The following KCTD8 variants were observed in gnomAD, a reference collection of about 807,000 sequenced individuals.
The protein encoded by KCTD8 is potassium channel tetramerization domain containing 8.
Under a neutral mutation model 31.5 loss-of-function variants are expected in KCTD8, and 27 were observed. That is an observed-to-expected ratio of 0.86 (90% confidence interval 0.63 to 1.18). The LOEUF is 1.18. KCTD8 is among the 50% of genes most tolerant of loss of function. The probability of loss-of-function intolerance (pLI) is 0.00; values close to 1 mark genes in which losing one functional copy is unlikely to be tolerated. For missense variants in KCTD8, 658 were observed against 647.7 expected (o/e 1.02, Z -0.17); for synonymous variants, 290 against 280.0 (o/e 1.04, Z -0.36).
intron 1 of KCTD8, among the ~76,000 whole-genome samples, chr4:44,249,306 T>A (rs571834009): frequency 4.6e-4 from 70 of 151,966 alleles, no homozygotes; most frequent in African/African-American, 1.6e-3. Context: ...CAAGTTATTA[T>A]TAACAAGGCC....
intron 1 of KCTD8, among the ~76,000 whole-genome samples, chr4:44,397,346 G>A (rs770000831): frequency 9.9e-5 from 15 of 152,026 alleles, no homozygotes; most frequent in South Asian, 2.1e-4. Context: ...ACTCATATAC[G>A]TATACATTAT....
intron 1 of KCTD8, among the ~76,000 whole-genome samples, chr4:44,239,767 T>C (rs916912209): frequency 6.6e-6 from 1 of 152,254 alleles, no homozygotes; most frequent in South Asian, 2.1e-4. Context: ...CTTTACCATC[T>C]TTTTGTCTCA....
chr4:44,198,704 A>T, intron 1 of KCTD8, among the ~76,000 whole-genome samples: 1 of 152,166 alleles, frequency 6.6e-6, no homozygotes. Flanking sequence ...CCACAAAAAC[A>T]CACTAAGGAC....
rs11368270 is a variant in KCTD8 at position 44,357,089 on chromosome 4, C to CA, written c.961+90473dup. On this transcript the variant is annotated intron_variant, in intron 1 of 1. Coordinates refer to ENST00000360029, the MANE Select transcript of KCTD8 (RefSeq NM_198353.3). Reference sequence around the variant, plus strand: ...TTATATCAAAGAAAGGCATTTGAGGCAAAAAAAAAAAAACCCTTCAAAACA... The same window carrying CA: ...TTATATCAAAGAAAGGCATTTGAGGCAAAAAAAAAAAAAACCCTTCAAAACA... Among the ~76,000 whole-genome samples the CA allele has an allele frequency of 5.1e-3, 727 of 143,460 alleles. 3 individuals are homozygous for CA. Among genetic ancestry groups the CA allele is most frequent in the Middle Eastern group, 0.025 (7 of 282 alleles). 94.1% of individuals were successfully genotyped at this position (143,460 alleles called of 152,430 possible).
At chr4:44,185,447 A>T (rs1713557883) in intron 1 of KCTD8, among the ~76,000 whole-genome samples, 1 of 152,182 alleles carries the variant, frequency 6.6e-6, no homozygotes, top group Non-Finnish European at 1.5e-5. Flanking sequence ...TTGTTCAAAA[A>T]CCTTCTAAAT....
intron 1 of KCTD8, among the ~76,000 whole-genome samples, chr4:44,319,926 C>T (rs1008000044): frequency 3.9e-5 from 6 of 151,928 alleles, no homozygotes; most frequent in African/African-American, 9.7e-5. Context: ...AATCCCAGCA[C>T]GTTGGGAGGC....
intron 1 of KCTD8, among the ~76,000 whole-genome samples, chr4:44,215,956 A>G (rs1354499861): frequency 6.6e-6 from 1 of 152,224 alleles, no homozygotes; most frequent in Non-Finnish European, 1.5e-5. Flanking sequence ...TGAGGTACAG[A>G]AGGAGGCAAC....
intron 1 of KCTD8, among the ~76,000 whole-genome samples, chr4:44,436,402 T>C (rs1189112674): frequency 6.6e-6 from 1 of 151,750 alleles, no homozygotes; most frequent in Non-Finnish European, 1.5e-5. Flanking sequence ...GGAGTGAGAG[T>C]CAAAGAAGAG....
At chr4:44,385,815 T>G (rs1384684510) in intron 1 of KCTD8, among the ~76,000 whole-genome samples, 2 of 151,550 alleles carry the variant, frequency 1.3e-5, no homozygotes, top group African/African-American at 2.4e-5. Context: ...TGAAAAGGTG[T>G]TACTATCCAA....
intron 1 of KCTD8, among the ~76,000 whole-genome samples, chr4:44,401,768 A>C (rs1300104565): frequency 6.6e-6 from 1 of 152,324 alleles, no homozygotes; most frequent in Admixed American, 6.5e-5. Context: ...AGCAGCTACT[A>C]TTCTATTTAG....
intron 1 of KCTD8, among the ~76,000 whole-genome samples, chr4:44,283,084 G>T (rs1455475629): frequency 2.7e-5 from 4 of 148,894 alleles, no homozygotes; most frequent in Admixed American, 6.7e-5. Context: ...TTGAGACAGA[G>T]TCTTGCTCTG....
chr4:44,307,599 C>CT (rs1267587535), intron 1 of KCTD8, among the ~76,000 whole-genome samples: 1 of 151,792 alleles, frequency 6.6e-6, no homozygotes, highest in African/African-American at 2.4e-5. Context: ...GCTTTTATTT[C>CT]TTTTTTAAGT....
intron 1 of KCTD8, among the ~76,000 whole-genome samples, chr4:44,340,510 G>A (rs987440854): frequency 1.1e-4 from 16 of 143,272 alleles, no homozygotes; most frequent in East Asian, 2.1e-4. Context: ...GGGTTTCACC[G>A]TGTTAGCCAG....
chr4:44,186,328 G>A (rs959348777), intron 1 of KCTD8, among the ~76,000 whole-genome samples: 1 of 152,136 alleles, frequency 6.6e-6, no homozygotes, highest in African/African-American at 2.4e-5. Flanking sequence ...CCTTTCCACT[G>A]CATACCCCTG....
At chr4:44,322,220 G>C (rs1258587620) in intron 1 of KCTD8, among the ~76,000 whole-genome samples, 1 of 151,986 alleles carries the variant, frequency 6.6e-6, no homozygotes, top group African/African-American at 2.4e-5. Flanking sequence ...CCCACCAACA[G>C]TGTACACGTG....
chr4:44,268,113 T>G (rs1716449365), intron 1 of KCTD8, among the ~76,000 whole-genome samples: 1 of 152,160 alleles, frequency 6.6e-6, no homozygotes, highest in East Asian at 1.9e-4. Context: ...CAGACCAATT[T>G]CCTTGATGAA....
rs1553890661 is a variant in KCTD8, at chr4:44,176,860, C to CTATCTATCT, written c.962-1611_962-1610insAGATAGATA. On this transcript the variant is annotated intron_variant, in intron 1 of 1. Transcript: ENST00000360029. Reference sequence around the variant, plus strand: ...AAGAAACATAAAGTATATATGTCTACATCTATCTATCTATCTATCTATCTA... The same window carrying CTATCTATCT: ...AAGAAACATAAAGTATATATGTCTACTATCTATCTATCTATCTATCTATCTATCTATCTA... Among the ~76,000 whole-genome samples, 592 of 148,470 alleles carry CTATCTATCT rather than the reference C, an allele frequency of 4.0e-3. 2 individuals carry two copies. Among genetic ancestry groups the CTATCTATCT allele is most frequent in the Middle Eastern group, 6.9e-3 (2 of 288 alleles).
At chr4:44,270,812 T>C (rs947404444) in intron 1 of KCTD8, among the ~76,000 whole-genome samples, 10 of 152,134 alleles carry the variant, frequency 6.6e-5, no homozygotes, top group African/African-American at 9.7e-5. Flanking sequence ...TCAAGATGAT[T>C]ACAATTTTCT....
chr4:44,353,880 T>A (rs1719278915), intron 1 of KCTD8, among the ~76,000 whole-genome samples: 1 of 152,126 alleles, frequency 6.6e-6, no homozygotes, highest in Admixed American at 6.5e-5. Context: ...AAATAGTTGT[T>A]CACTGTTATG....
Sources: allele counts gnomAD v4.1 joint callset (sites outside exome capture counted in the v4.1 genomes callset), GRCh38; gene constraint gnomAD v4.1.1; transcripts MANE v1.5; gene names NCBI Gene and HGNC (gene_info 2026-07-23, HGNC 2026-07-21).